ITGBL1: variants seen among roughly 807,000 people sequenced by gnomAD.
ITGBL1 encodes integrin subunit beta like 1.
In ITGBL1, 51 loss-of-function variants were observed where a neutral mutation model predicts 68.5. The observed-to-expected ratio is 0.74, with a 90% CI of 0.59 to 0.94. The LOEUF (loss-of-function observed/expected upper bound fraction) is 0.94. ITGBL1 is among the 40% of genes least tolerant of loss of function. The probability of loss-of-function intolerance (pLI) is 0.00; values close to 1 mark genes in which losing one functional copy is unlikely to be tolerated. For synonymous variants in ITGBL1, 209 were observed against 227.3 expected, an observed-to-expected ratio of 0.92 and a Z score of 0.72; for missense variants, 649 against 647.4, an observed-to-expected ratio of 1.00 and a Z score of -0.03.
At chr13:101,521,713 C>G (rs549035204) in intron 2 of ITGBL1, among the ~76,000 whole-genome samples, 1 of 152,096 alleles carries the variant, frequency 6.6e-6, no homozygotes, top group Non-Finnish European at 1.5e-5. Flanking sequence ...ACAGGAGTGC[C>G]GAAGAGCATC....
At chr13:101,606,112 C>A (rs9585735) in intron 7 of ITGBL1, among the ~76,000 whole-genome samples, 17,149 of 125,108 alleles carry the variant, frequency 0.14, 1,150 homozygotes, top group Non-Finnish European at 0.16. Context: ...CTCTCTCTCT[C>A]TATATATATA....
At chr13:101,719,004 T>C (rs1486854715), downstream of ITGBL1, 2 of 152,086 alleles carry the variant, frequency 1.3e-5, no homozygotes, top group Admixed American at 6.6e-5. Context: ...TTTAGCCCAG[T>C]CGCTTTCCCT....
chr13:101,524,902 A>G (rs1436103971), intron 2 of ITGBL1, among the ~76,000 whole-genome samples: 1 of 152,198 alleles, frequency 6.6e-6, no homozygotes, highest in Non-Finnish European at 1.5e-5. Context: ...TCACAGATGC[A>G]TCGGCTCAAC....
intron 7 of ITGBL1, among the ~76,000 whole-genome samples, chr13:101,675,955 A>G (rs543960398): frequency 2.6e-5 from 4 of 152,206 alleles, no homozygotes; most frequent in African/African-American, 9.6e-5. Context: ...TCCTTATTCA[A>G]TTTTTAATTT....
intron 2 of ITGBL1, among the ~76,000 whole-genome samples, chr13:101,526,659 ATGTGTGTG>A (rs35919129): frequency 6.0e-5 from 9 of 149,304 alleles, no homozygotes; most frequent in African/African-American, 2.2e-4. Flanking sequence ...TTGAAGTTAT[ATGTGTGTG>A]TGTGTGTGTG....
chr13:101,696,718 A>G (rs779129500), intron 8 of ITGBL1, among the ~76,000 whole-genome samples: 2 of 152,176 alleles, frequency 1.3e-5, no homozygotes, highest in African/African-American at 2.4e-5. Context: ...CTTTAAGTCT[A>G]CAATTCTCAT....
At chr13:101,651,630 C>T (rs2032753678) in intron 7 of ITGBL1, among the ~76,000 whole-genome samples, 1 of 152,098 alleles carries the variant, frequency 6.6e-6, no homozygotes, top group Non-Finnish European at 1.5e-5. Flanking sequence ...TGTGTGTTCA[C>T]TCTGATAATA....
At chr13:101,654,833 A>G in intron 7 of ITGBL1, among the ~76,000 whole-genome samples, 1 of 152,158 alleles carries the variant, frequency 6.6e-6, no homozygotes, top group East Asian at 1.9e-4. Context: ...GGACAAAGCA[A>G]CATTTCCAGG....
intron 8 of ITGBL1, among the ~76,000 whole-genome samples, chr13:101,698,286 C>T (rs780573377): frequency 4.6e-5 from 7 of 152,144 alleles, no homozygotes; most frequent in Admixed American, 2.6e-4. Flanking sequence ...AGATAAAAAA[C>T]ATGTATAAAC....
At chr13:101,531,486 T>C (rs925831386) in intron 2 of ITGBL1, among the ~76,000 whole-genome samples, 1 of 152,022 alleles carries the variant, frequency 6.6e-6, no homozygotes, top group African/African-American at 2.4e-5. Context: ...ATTAACAATA[T>C]AGAGTGAAGT....
chr13:101,604,302 C>A (rs2030561091), intron 7 of ITGBL1, among the ~76,000 whole-genome samples: 1 of 151,804 alleles, frequency 6.6e-6, no homozygotes, highest in African/African-American at 2.4e-5. Context: ...TGTTTCCTGT[C>A]TTTCTGGAGA....
intron 2 of ITGBL1, among the ~76,000 whole-genome samples, chr13:101,485,676 CA>C (rs2048692165): frequency 6.6e-6 from 1 of 152,118 alleles, no homozygotes; most frequent in African/African-American, 2.4e-5. Context: ...CCCGTAGTCC[CA>C]GCTGCTTGGG....
At chr13:101,585,796 G>A (rs1479256128) in intron 6 of ITGBL1, among the ~76,000 whole-genome samples, 1 of 152,146 alleles carries the variant, frequency 6.6e-6, no homozygotes, top group Non-Finnish European at 1.5e-5. Context: ...AAGAAAATAA[G>A]GGAGGCATAT....
chr13:101,624,056 A>T (rs1308260860), intron 7 of ITGBL1, among the ~76,000 whole-genome samples: 1 of 152,182 alleles, frequency 6.6e-6, no homozygotes, highest in Non-Finnish European at 1.5e-5. Context: ...GATGACCTAA[A>T]GCCACCAGGA....
At chr13:101,530,213 G>A (rs899661687) in intron 2 of ITGBL1, among the ~76,000 whole-genome samples, 1 of 151,888 alleles carries the variant, frequency 6.6e-6, no homozygotes, top group Non-Finnish European at 1.5e-5. Context: ...ATGACTAAAT[G>A]CAGGTTAATG....
intron 2 of ITGBL1, among the ~76,000 whole-genome samples, chr13:101,459,426 A>G (rs1449359668): frequency 1.3e-5 from 2 of 152,172 alleles, no homozygotes; most frequent in Non-Finnish European, 2.9e-5. Context: ...TCCTTTATAT[A>G]CTTCTACATT....
At chr13:101,571,433 T>C (rs2050270909) in intron 3 of ITGBL1, among the ~76,000 whole-genome samples, 1 of 152,166 alleles carries the variant, frequency 6.6e-6, no homozygotes, top group Non-Finnish European at 1.5e-5. Flanking sequence ...GGTACTCATT[T>C]GAAATACAAT....
At chr13:101,653,183 G>A (rs2032808298) in intron 7 of ITGBL1, among the ~76,000 whole-genome samples, 1 of 147,088 alleles carries the variant, frequency 6.8e-6, no homozygotes, top group Non-Finnish European at 1.5e-5. Flanking sequence ...AGAAGAAGAG[G>A]AGGAGGAGGA....
At chr13:101,650,642 CTT>C (rs1056214382) in intron 7 of ITGBL1, among the ~76,000 whole-genome samples, 2 of 145,364 alleles carry the variant, frequency 1.4e-5, no homozygotes, top group East Asian at 4.1e-4. Flanking sequence ...TTTTAGTCAA[CTT>C]TTAATTTCTA....
Sources: allele counts gnomAD v4.1 joint callset (sites outside exome capture counted in the v4.1 genomes callset), GRCh38; gene constraint gnomAD v4.1.1; transcripts MANE v1.5; gene names NCBI Gene and HGNC (gene_info 2026-07-23, HGNC 2026-07-21).